The following AMOTL1 variants were observed in gnomAD, a reference collection of about 807,000 sequenced individuals.
The protein encoded by AMOTL1 is angiomotin-like protein 1.
In AMOTL1, 45 loss-of-function variants were observed where a neutral mutation model predicts 102.9. The observed-to-expected ratio is 0.44, with a 90% CI of 0.34 to 0.56. The LOEUF is 0.56. AMOTL1 is among the 20% of genes least tolerant of loss of function. The pLI is 0.01. For missense variants in AMOTL1, 1,114 were observed against 1,225.6 expected (o/e 0.91, Z 1.36); for synonymous variants, 481 against 484.7 (o/e 0.99, Z 0.10).
At chr11:94,712,190 G>A (rs1413383102) in intron 1 of AMOTL1, among the ~76,000 whole-genome samples, 1 of 151,930 alleles carries the variant, frequency 6.6e-6, no homozygotes, top group African/African-American at 2.4e-5. Flanking sequence ...TTTGCGTAAT[G>A]GGCAATGATG....
intron 2 of AMOTL1, among the ~76,000 whole-genome samples, 175 bp downstream of exon 2, chr11:94,795,335 G>T (rs1951348261): frequency 6.6e-6 from 1 of 152,154 alleles, no homozygotes; most frequent in Non-Finnish European, 1.5e-5. Context: ...TTTTGCTATG[G>T]TGTTAATAGA....
chr11:94,826,188 G>C (rs565448164), intron 4 of AMOTL1, among the ~76,000 whole-genome samples: 2 of 152,292 alleles, frequency 1.3e-5, no homozygotes, highest in South Asian at 2.1e-4. Flanking sequence ...AGCTGCCCTG[G>C]AGGCTGAGGC....
At chr11:94,849,068 A>G (rs1057165469) in intron 6 of AMOTL1, among the ~76,000 whole-genome samples, 1 of 152,120 alleles carries the variant, frequency 6.6e-6, no homozygotes, top group African/African-American at 2.4e-5. Flanking sequence ...TCTAACTACT[A>G]TTGTTGCTGC....
At chr11:94,786,992 A>AGATAC (rs1304480664) in intron 1 of AMOTL1, among the ~76,000 whole-genome samples, 20 of 152,160 alleles carry the variant, frequency 1.3e-4, no homozygotes, top group Admixed American at 7.2e-4. Context: ...TAGTAACTGG[A>AGATAC]GATACAAAGG....
intron 3 of AMOTL1, among the ~76,000 whole-genome samples, chr11:94,746,797 C>G (rs1034803639): frequency 1.3e-5 from 2 of 152,098 alleles, no homozygotes; most frequent in African/African-American, 4.8e-5. Context: ...AATCACATCT[C>G]AAGTGATTTC....
intron 3 of AMOTL1, among the ~76,000 whole-genome samples, chr11:94,805,094 C>T (rs1164593294): frequency 2.0e-5 from 3 of 152,240 alleles, no homozygotes; most frequent in African/African-American, 2.4e-5. Context: ...GCGTCTCCCA[C>T]GAGTGTAAAC....
chr11:94,843,915 A>G (rs1952355027), intron 6 of AMOTL1, among the ~76,000 whole-genome samples: 1 of 151,324 alleles, frequency 6.6e-6, no homozygotes, highest in Admixed American at 6.6e-5. Context: ...CTCTGAGTGA[A>G]CCTCCAGTGC....
intron 1 of AMOTL1, among the ~76,000 whole-genome samples, chr11:94,709,584 A>G (rs1247624059): frequency 6.6e-6 from 1 of 152,192 alleles, no homozygotes; most frequent in Non-Finnish European, 1.5e-5. Context: ...AGAGGCTACA[A>G]GGATTGAATC....
chr11:94,751,218 T>C (rs1390059568), intron 3 of AMOTL1, among the ~76,000 whole-genome samples: 1 of 151,896 alleles, frequency 6.6e-6, no homozygotes, highest in South Asian at 2.1e-4. Flanking sequence ...CACTCAAAAC[T>C]ATATATATAT....
At chr11:94,723,565 T>C (rs532203215) in intron 1 of AMOTL1, among the ~76,000 whole-genome samples, 4 of 152,116 alleles carry the variant, frequency 2.6e-5, no homozygotes, top group Admixed American at 6.6e-5. Flanking sequence ...ACAAATACTC[T>C]GCCCAGTTGG....
chr11:94,813,227 T>G, intron 3 of AMOTL1, among the ~76,000 whole-genome samples: 1 of 152,236 alleles, frequency 6.6e-6, no homozygotes, highest in East Asian at 1.9e-4. Flanking sequence ...AAGGATCACT[T>G]CAGCCCTCCC....
At chr11:94,788,360 T>G (rs1395405589) in intron 1 of AMOTL1, among the ~76,000 whole-genome samples, 2 of 152,228 alleles carry the variant, frequency 1.3e-5, no homozygotes, top group Non-Finnish European at 2.9e-5. Flanking sequence ...TAAGCTACGC[T>G]GAACTCTCTA....
intron 3 of AMOTL1, among the ~76,000 whole-genome samples, chr11:94,754,814 A>AT (rs1354386212): frequency 1.4e-5 from 2 of 141,802 alleles, no homozygotes; most frequent in East Asian, 3.8e-4. Context: ...AACAGTGAAT[A>AT]TTTTTTTTAG....
rs141367424 is a variant in AMOTL1 at position 94,799,469 on chromosome 11, G to A, written c.279G>A (p.Ala93=). The change falls in exon 3 of 13, where the codon GCG becomes GCA. Residue 93 remains alanine, a synonymous_variant. Transcript: ENST00000433060. This position sits in a 1 kb window ranked among gnomAD's most constrained non-coding sequence, Gnocchi z 4.5. Reference sequence around the variant, plus strand: ...TGGAAATGAGAGGTTCCGAGGATGCGGCAGCTGGAACAGTATTGCAGCGGC... The same window carrying A: ...TGGAAATGAGAGGTTCCGAGGATGCAGCAGCTGGAACAGTATTGCAGCGGC... ...SEVEMRGSED[A]AAGTVLQRLI... The A allele has an allele frequency of 7.5e-3, 12,012 of 1,609,800 alleles. 62 individuals carry two copies. Among genetic ancestry groups the A allele is most frequent in the Non-Finnish European group, 9.4e-3 (11,061 of 1,178,050 alleles).
chr11:94,775,163 A>G (rs933568071), intron 1 of AMOTL1, among the ~76,000 whole-genome samples: 4 of 152,208 alleles, frequency 2.6e-5, no homozygotes, highest in Non-Finnish European at 2.9e-5. Context: ...TCTTAAAATT[A>G]TTTTCTGCAT....
At chr11:94,787,770 T>C (rs1056558310) in intron 1 of AMOTL1, among the ~76,000 whole-genome samples, 5 of 136,494 alleles carry the variant, frequency 3.7e-5, no homozygotes, top group Non-Finnish European at 6.3e-5. Flanking sequence ...ATCAGAACAA[T>C]TGCTTAAAAA....
At chr11:94,713,988 G>A (rs372661536) in intron 1 of AMOTL1, among the ~76,000 whole-genome samples, 36 of 152,120 alleles carry the variant, frequency 2.4e-4, no homozygotes, top group African/African-American at 8.4e-4. Context: ...AAAGCATTCA[G>A]TCTTTCACGA....
intron 1 of AMOTL1, among the ~76,000 whole-genome samples, chr11:94,794,604 G>T (rs1301497128): frequency 6.6e-6 from 1 of 152,186 alleles, no homozygotes; most frequent in African/African-American, 2.4e-5. Flanking sequence ...AAAGACAGCT[G>T]CTCTTCCTGT....
intron 3 of AMOTL1, among the ~76,000 whole-genome samples, chr11:94,807,028 T>A (rs1951578842): frequency 6.6e-6 from 1 of 152,178 alleles, no homozygotes; most frequent in South Asian, 2.1e-4. Context: ...TTTTTTTCCC[T>A]AAAACTATTA....
Sources: gnomAD v4.1 joint callset for allele counts (sites outside exome capture counted in the v4.1 genomes callset) on GRCh38, gnomAD v4.1.1 for gene constraint, Gnocchi (gnomAD v3.1) non-coding constraint, MANE v1.5 for transcripts, NCBI Gene and HGNC (gene_info 2026-07-23, HGNC 2026-07-21) for gene names.